Variants in SHANK2 observed in about 807,000 individuals in gnomAD.
SHANK2 encodes SH3 and multiple ankyrin repeat domains 2, also known as SH3 and multiple ankyrin repeat domains protein 2.
SHANK2 carries 43 observed loss-of-function variants against 133.7 expected under a neutral mutation model. The ratio of observed to expected loss-of-function variants is 0.32; its 90% CI spans 0.25 to 0.41. The LOEUF is 0.41. Ranked by LOEUF, SHANK2 falls within the 10% of genes least tolerant of loss-of-function variation. The pLI, the probability that SHANK2 is intolerant of heterozygous loss-of-function variation, is 1.00. For synonymous variants in SHANK2, 1,017 were observed against 952.8 expected, an observed-to-expected ratio of 1.07 and a Z score of -1.24; for missense variants, 1,994 against 2,235.8, an observed-to-expected ratio of 0.89 and a Z score of 2.18.
At chr11:70,761,705 G>A (rs1555040271) in intron 14 of SHANK2, among the ~76,000 whole-genome samples, 1 of 152,242 alleles carries the variant, frequency 6.6e-6, no homozygotes, top group African/African-American at 2.4e-5. Context: ...CTGGGGGCCT[G>A]GGAGCCTGCA....
chr11:70,901,465 T>G (rs1270468907), intron 10 of SHANK2, among the ~76,000 whole-genome samples: 1 of 152,120 alleles, frequency 6.6e-6, no homozygotes, highest in Admixed American at 6.5e-5. Context: ...TTGTCCAGGT[T>G]TTTCAGAGCC....
chr11:70,617,203 TGTGA>T (rs1413699151), intron 17 of SHANK2, among the ~76,000 whole-genome samples: 11 of 151,600 alleles, frequency 7.3e-5, no homozygotes, highest in East Asian at 3.9e-4. Context: ...AATGTGTGAG[TGTGA>T]GTGTCTGAGT....
chr11:71,141,793 A>C (rs1446114483), intron 3 of SHANK2, among the ~76,000 whole-genome samples: 1 of 152,150 alleles, frequency 6.6e-6, no homozygotes, highest in Non-Finnish European at 1.5e-5. Context: ...ATCTAACTTC[A>C]TGATGGAGCC....
intron 14 of SHANK2, among the ~76,000 whole-genome samples, chr11:70,743,564 G>A (rs1379829806): frequency 3.9e-5 from 6 of 152,198 alleles, no homozygotes; most frequent in Admixed American, 2.6e-4. Flanking sequence ...TTCCTACTGG[G>A]ACTTTATTCA....
chr11:71,123,417 TG>T (rs1952115081), intron 3 of SHANK2, among the ~76,000 whole-genome samples: 1 of 152,160 alleles, frequency 6.6e-6, no homozygotes, highest in African/African-American at 2.4e-5. Context: ...TGACGCTGCT[TG>T]GTAAGGAGCA....
intron 2 of SHANK2, among the ~76,000 whole-genome samples, chr11:71,178,238 T>G (rs1953483712): frequency 1.3e-5 from 2 of 152,240 alleles, no homozygotes; most frequent in African/African-American, 4.8e-5. Context: ...TACAGTGGAA[T>G]AAAACTCAGT....
chr11:70,491,578 A>G (rs490451), intron 22 of SHANK2, among the ~76,000 whole-genome samples: 147,911 of 152,368 alleles, frequency 0.97, 71,952 homozygotes, highest in East Asian at 1. Context: ...TTCAAGAAAA[A>G]GCTAGACATA....
Position 70,700,093 on chromosome 11 carries a change from G to A in SHANK2, c.1778-1330C>T, listed in dbSNP as rs115277922. 6.1e-3 allele frequency among the ~76,000 whole-genome samples: 921 copies of A among 152,210 alleles called. 9 individuals are homozygous for A. The highest frequency in any genetic ancestry group is 0.021 in the African/African-American group (874 of 41,516). ...TTCTACCACATTAGGCTGCAGCCTCGGATTAATTTGACACAGTGGCTAAGT... is the reference window on the plus strand; with the variant it reads ...TTCTACCACATTAGGCTGCAGCCTCAGATTAATTTGACACAGTGGCTAAGT... On this transcript the variant is annotated intron_variant, in intron 14 of 25. Coordinates refer to ENST00000601538, the MANE Select transcript of SHANK2 (RefSeq NM_012309.5).
At chr11:70,924,381 A>G (rs1052250477) in intron 10 of SHANK2, among the ~76,000 whole-genome samples, 5 of 152,118 alleles carry the variant, frequency 3.3e-5, no homozygotes, top group Admixed American at 6.6e-5. Context: ...TGTGAGAGTC[A>G]AACACCAGGG....
At chr11:71,137,247 T>C (rs1408714554) in intron 3 of SHANK2, among the ~76,000 whole-genome samples, 1 of 104,884 alleles carries the variant, frequency 9.5e-6, no homozygotes, top group South Asian at 2.9e-4. Context: ...AAAGTTTTAG[T>C]CTTTTCTTTT....
intron 14 of SHANK2, among the ~76,000 whole-genome samples, chr11:70,703,111 C>T (rs565017921): frequency 6.6e-6 from 1 of 152,360 alleles, no homozygotes; most frequent in South Asian, 2.1e-4. Context: ...ATCTGTGCCT[C>T]CACAATCAGT....
At chr11:70,575,415 A>G (rs1453914904) in intron 17 of SHANK2, among the ~76,000 whole-genome samples, 2 of 151,144 alleles carry the variant, frequency 1.3e-5, no homozygotes, top group South Asian at 2.1e-4. Flanking sequence ...GCTACTCAGG[A>G]GGCTGAGTCA....
intron 14 of SHANK2, among the ~76,000 whole-genome samples, chr11:70,785,212 G>A (rs1444567703): frequency 6.6e-6 from 1 of 152,114 alleles, no homozygotes; most frequent in African/African-American, 2.4e-5. Flanking sequence ...CACCACACAG[G>A]ACAGACCCCT....
intron 25 of SHANK2, among the ~76,000 whole-genome samples, chr11:70,483,421 C>T (rs905212135): frequency 4.6e-5 from 7 of 151,360 alleles, no homozygotes; most frequent in Non-Finnish European, 1.0e-4. Context: ...ATTTTTGGCC[C>T]AGTGCAGTGA....
intron 6 of SHANK2, among the ~76,000 whole-genome samples, chr11:71,100,552 A>G (rs1006347254): frequency 6.6e-6 from 1 of 152,148 alleles, no homozygotes. Flanking sequence ...ACTCGATGAC[A>G]TTCTAGAAAA....
intron 14 of SHANK2, among the ~76,000 whole-genome samples, chr11:70,793,677 T>C (rs1008404010): frequency 4.6e-5 from 7 of 152,202 alleles, no homozygotes; most frequent in Admixed American, 2.0e-4. Context: ...CAGACTGATA[T>C]TGCCAAATGT....
chr11:70,502,739 C>T, intron 18 of SHANK2, 57 bp downstream of exon 18: 3 of 516,674 alleles, frequency 5.8e-6, no homozygotes, highest in South Asian at 1.7e-5. Flanking sequence ...CTGCCCGCCC[C>T]CACCCCCCCC....
intron 17 of SHANK2, among the ~76,000 whole-genome samples, chr11:70,543,773 G>C (rs766504067): frequency 6.6e-6 from 1 of 152,216 alleles, no homozygotes; most frequent in Non-Finnish European, 1.5e-5. Flanking sequence ...TCACAACCTG[G>C]GGCTTGTTCT....
In SHANK2 at chr11:70,479,881, A is replaced by G. The variant is rs782157238; in HGVS notation, c.4979+5433T>C. On this transcript the variant is annotated intron_variant, in intron 25 of 25. Transcript: ENST00000601538. The surrounding 1 kb of genome is among the most constrained non-coding windows in gnomAD (Gnocchi z 4.4). ...GCAAGTTTGTTTTGGGTCAAAGCAT[A>G]TAAGTCAGGCAAGCTGCTGTGTTCT... 1.3e-5 allele frequency among the ~76,000 whole-genome samples: 2 copies of G among 152,218 alleles called. No individual in the cohort carries two copies. Among genetic ancestry groups the G allele is most frequent in the African/African-American group, 4.8e-5 (2 of 41,458 alleles).
Sources: allele counts gnomAD v4.1 joint callset (sites outside exome capture counted in the v4.1 genomes callset), GRCh38; gene constraint gnomAD v4.1.1; non-coding constraint Gnocchi (gnomAD v3.1); transcripts MANE v1.5; gene names NCBI Gene and HGNC (gene_info 2026-07-23, HGNC 2026-07-21).